Variants in PPARGC1A observed in about 807,000 individuals in gnomAD.
The protein encoded by PPARGC1A is peroxisome proliferator-activated receptor gamma coactivator 1-alpha.
A neutral mutation model predicts 88.7 loss-of-function variants in PPARGC1A; 25 were observed. The observed-to-expected ratio is 0.28, with a 90% CI of 0.21 to 0.39. PPARGC1A has a LOEUF of 0.39. PPARGC1A is among the 10% of genes least tolerant of loss of function. PPARGC1A has a pLI of 1.00. For synonymous variants in PPARGC1A, 363 were observed against 355.6 expected (o/e 1.02, Z -0.24); for missense variants, 880 against 968.7 (o/e 0.91, Z 1.22).
At chr4:24,050,024 G>A in the PPARGC1A span, among the ~76,000 whole-genome samples, 1 of 151,880 alleles carries the variant, frequency 6.6e-6, no homozygotes. Context: ...ATATTTCCAT[G>A]GTTTCTAATG....
intron 2 of PPARGC1A, among the ~76,000 whole-genome samples, chr4:23,833,523 C>G (rs1319291656): frequency 6.6e-6 from 1 of 152,132 alleles, no homozygotes; most frequent in Non-Finnish European, 1.5e-5. Flanking sequence ...CTAGCAGTAC[C>G]CACACTTCCT....
the PPARGC1A span, among the ~76,000 whole-genome samples, chr4:24,312,556 C>T: frequency 2.2e-3 from 311 of 139,426 alleles, 1 homozygote; most frequent in Admixed American, 4.4e-3. Flanking sequence ...TCGTGTTTTG[C>T]TTTTCTCTTT....
the PPARGC1A span, among the ~76,000 whole-genome samples, chr4:24,274,208 C>G: frequency 3.3e-5 from 5 of 152,202 alleles, no homozygotes; most frequent in Middle Eastern, 3.4e-3. Context: ...TACAATCCTT[C>G]TCATTTGTTA....
chr4:24,201,324 G>A, the PPARGC1A span, among the ~76,000 whole-genome samples: 8 of 152,332 alleles, frequency 5.3e-5, no homozygotes, highest in African/African-American at 1.7e-4. Context: ...AGGACAAGGG[G>A]CCAAAAGTTA....
the PPARGC1A span, among the ~76,000 whole-genome samples, chr4:24,131,981 T>A: frequency 6.6e-6 from 1 of 152,230 alleles, no homozygotes; most frequent in African/African-American, 2.4e-5. Context: ...AACCCATATT[T>A]ATGTTAAAAC....
At chr4:24,313,904 T>C in the PPARGC1A span, among the ~76,000 whole-genome samples, 2 of 152,194 alleles carry the variant, frequency 1.3e-5, no homozygotes, top group East Asian at 1.9e-4. Context: ...GAATGGATAA[T>C]AAAATATGTT....
At chr4:24,052,216 G>A in the PPARGC1A span, among the ~76,000 whole-genome samples, 3 of 152,292 alleles carry the variant, frequency 2.0e-5, no homozygotes, top group South Asian at 6.2e-4. Context: ...TATGTAGTAG[G>A]CATTCAGATG....
At chr4:23,966,049 T>C in the PPARGC1A span, among the ~76,000 whole-genome samples, 1 of 152,124 alleles carries the variant, frequency 6.6e-6, no homozygotes, top group Non-Finnish European at 1.5e-5. Flanking sequence ...ATCAGCAGGA[T>C]GTTCTGGAGT....
the PPARGC1A span, among the ~76,000 whole-genome samples, chr4:24,327,874 G>A: frequency 1.8e-4 from 28 of 152,212 alleles, no homozygotes; most frequent in African/African-American, 4.3e-4. Flanking sequence ...TGACTTGCAC[G>A]TGTATGCCCA....
At chr4:24,012,067 C>G in the PPARGC1A span, among the ~76,000 whole-genome samples, 1 of 152,122 alleles carries the variant, frequency 6.6e-6, no homozygotes, top group Non-Finnish European at 1.5e-5. Context: ...TCCCGGCCTC[C>G]TCATAGGAGC....
chr4:24,406,576 T>C, the PPARGC1A span, among the ~76,000 whole-genome samples: 1 of 152,186 alleles, frequency 6.6e-6, no homozygotes, highest in Non-Finnish European at 1.5e-5. Flanking sequence ...ACTTCGGAAT[T>C]GGAACTAGTC....
the PPARGC1A span, among the ~76,000 whole-genome samples, chr4:24,122,692 T>C: frequency 6.6e-6 from 1 of 152,202 alleles, no homozygotes; most frequent in South Asian, 2.1e-4. Context: ...TAATAAGTTG[T>C]TCAGATGAAG....
chr4:23,894,121 G>C (rs1255128799), upstream of PPARGC1A, among the ~76,000 whole-genome samples: 1 of 152,098 alleles, frequency 6.6e-6, no homozygotes. Context: ...CCATAGCAAA[G>C]ACCCTGGAGG....
the PPARGC1A span, among the ~76,000 whole-genome samples, chr4:24,263,012 C>T: frequency 3.9e-5 from 6 of 152,114 alleles, no homozygotes; most frequent in South Asian, 4.1e-4. Context: ...AACAGTCCTA[C>T]GTAGATTTTA....
chr4:23,824,464 T>A lies in PPARGC1A; in HGVS notation c.802A>T (p.Asn268Tyr). ...LSLPLTPESP[N>Y]DPKGSPFENK... is the part of the protein sequence containing the mutation. Reference sequence around the variant, plus strand: ...ATGGTTACATTTCTTAATACTTACTTTGGTGACTCTGGGGTCAGAGGAAGA... The same window carrying A: ...ATGGTTACATTTCTTAATACTTACTATGGTGACTCTGGGGTCAGAGGAAGA... The change falls in exon 6 of 13, where the codon AAT becomes TAT. Residue 268 changes from asparagine (N) to tyrosine (Y), a missense_variant and splice_region_variant. By Grantham distance (143) the Asn-to-Tyr change is moderately radical. Transcript: ENST00000264867. The A allele has an allele frequency of 6.2e-7, 1 of 1,610,688 alleles. No homozygotes were observed. Among genetic ancestry groups the A allele is most frequent in the Non-Finnish European group, 8.5e-7 (1 of 1,177,108 alleles).
chr4:24,196,706 G>A, the PPARGC1A span, among the ~76,000 whole-genome samples: 1 of 152,194 alleles, frequency 6.6e-6, no homozygotes, highest in African/African-American at 2.4e-5. Flanking sequence ...ATTCCTGACA[G>A]TCTTCATTTG....
At chr4:24,149,244 GAAT>G in the PPARGC1A span, among the ~76,000 whole-genome samples, 1 of 152,048 alleles carries the variant, frequency 6.6e-6, no homozygotes. Flanking sequence ...GGTGAATCAA[GAAT>G]AATGGAGATA....
At chr4:24,094,739 C>T in the PPARGC1A span, among the ~76,000 whole-genome samples, 2 of 151,948 alleles carry the variant, frequency 1.3e-5, no homozygotes, top group South Asian at 2.1e-4. Context: ...TGAGAACATA[C>T]ATTAATACAG....
At chr4:24,003,298 G>A in the PPARGC1A span, among the ~76,000 whole-genome samples, 1 of 152,106 alleles carries the variant, frequency 6.6e-6, no homozygotes, top group African/African-American at 2.4e-5. Flanking sequence ...AGAACTGAAA[G>A]GGAAAATACC....
Sources: gnomAD v4.1 joint callset for allele counts (sites outside exome capture counted in the v4.1 genomes callset) on GRCh38, gnomAD v4.1.1 for gene constraint, MANE v1.5 for transcripts, NCBI Gene and HGNC (gene_info 2026-07-23, HGNC 2026-07-21) for gene names.